SEMA3D: variants seen among roughly 807,000 people sequenced by gnomAD.
The protein encoded by SEMA3D is semaphorin 3D, also known as semaphorin-3D.
In SEMA3D, 84 loss-of-function variants were observed where a neutral mutation model predicts 100.1. The ratio of observed to expected loss-of-function variants is 0.84; its 90% CI spans 0.70 to 1.01. The LOEUF is 1.01. SEMA3D is among the 50% of genes least tolerant of loss of function. The probability of loss-of-function intolerance (pLI) is 0.00; values close to 1 mark genes in which losing one functional copy is unlikely to be tolerated. For synonymous variants in SEMA3D, 312 were observed against 320.7 expected (o/e 0.97, Z 0.29); for missense variants, 875 against 934.1 (o/e 0.94, Z 0.82).
rs1310997845 is a variant in SEMA3D at position 85,069,660 on chromosome 7, A to C, written c.496-1376T>G. On this transcript the variant is annotated intron_variant, in intron 6 of 18. Coordinates refer to ENST00000284136, the MANE Select transcript of SEMA3D (RefSeq NM_001384900.1). ...AAAAGCACCTGTCTGAGCTACACAG[A>C]TGGAAATATGGGCAGAGAAGTAAAG... Among the ~76,000 whole-genome samples, 3 of 152,012 alleles carry C rather than the reference A, an allele frequency of 2.0e-5. No individual in the cohort carries two copies. In the East Asian group the frequency reaches 5.8e-4, roughly 29 times the overall value.
At chr7:85,047,815 G>T (rs1791051534) in intron 9 of SEMA3D, among the ~76,000 whole-genome samples, 1 of 151,796 alleles carries the variant, frequency 6.6e-6, no homozygotes, top group African/African-American at 2.4e-5. Flanking sequence ...GGAGTTAGAG[G>T]TTATAAATTA....
chr7:85,197,058 ACT>A, the SEMA3D span, among the ~76,000 whole-genome samples: 8 of 151,866 alleles, frequency 5.3e-5, no homozygotes, highest in Admixed American at 5.2e-4. Context: ...TCCCAACCTG[ACT>A]CTGTCATAAC....
the SEMA3D span, among the ~76,000 whole-genome samples, chr7:85,237,594 G>A: frequency 6.6e-6 from 1 of 152,016 alleles, no homozygotes; most frequent in Non-Finnish European, 1.5e-5. Context: ...TTTCCTTCTT[G>A]TCTCTTCATG....
intron 2 of SEMA3D, among the ~76,000 whole-genome samples, chr7:85,123,263 C>T (rs1400744449): frequency 6.6e-6 from 1 of 152,040 alleles, no homozygotes; most frequent in East Asian, 1.9e-4. Flanking sequence ...ACTTCTCTTC[C>T]ATGTTAATTA....
chr7:85,239,996 C>T, the SEMA3D span, among the ~76,000 whole-genome samples: 1 of 152,040 alleles, frequency 6.6e-6, no homozygotes, highest in East Asian at 1.9e-4. Context: ...TTAGGTCTAA[C>T]ATTCATTTGT....
chr7:85,008,003 A>G (rs1342584148), intron 17 of SEMA3D, among the ~76,000 whole-genome samples: 1 of 151,914 alleles, frequency 6.6e-6, no homozygotes, highest in East Asian at 1.9e-4. Context: ...ACCTCATCTA[A>G]CCTTCAAAAT....
At chr7:85,182,272 C>T (rs996438746) in intron 1 of SEMA3D, among the ~76,000 whole-genome samples, 4 of 152,048 alleles carry the variant, frequency 2.6e-5, no homozygotes, top group Non-Finnish European at 5.9e-5. Flanking sequence ...GTATGTTATG[C>T]ATTATCATAA....
At chr7:85,077,104 T>TAAA (rs558239429) in intron 5 of SEMA3D, among the ~76,000 whole-genome samples, 3 of 124,402 alleles carry the variant, frequency 2.4e-5, no homozygotes, top group East Asian at 2.3e-4. Flanking sequence ...AGACTCCGTC[T>TAAA]AAAAAAAAAA....
chr7:85,036,889 T>C lies in SEMA3D; in HGVS notation c.1191A>G (p.Thr397=), dbSNP rs749777153. 3 of 1,610,272 alleles carry C rather than the reference T, an allele frequency of 1.9e-6. No individual in the cohort carries two copies. The highest frequency in any genetic ancestry group is 2.2e-5 in the East Asian group (1 of 44,832). Residue 397 remains threonine (T), a splice_region_variant and synonymous_variant, in exon 12 of 19, where the codon ACA becomes ACG. Transcript: ENST00000284136. ...TTTGATTATTAAGTTGGATACATAC[T>C]GTACCAGGCCGTGGATAAGGAATTC... ...DGRIPYPRPG[T]CPSKTYDPLI... is the part of the protein sequence containing the mutation.
At chr7:85,140,276 T>A in intron 2 of SEMA3D, 1 of 966,236 alleles carries the variant, frequency 1.0e-6, no homozygotes, top group South Asian at 4.8e-5. Flanking sequence ...CATTTTCTCT[T>A]TTCCTCAAAT....
At chr7:85,157,372 T>A (rs1488486251) in intron 1 of SEMA3D, among the ~76,000 whole-genome samples, 3 of 152,178 alleles carry the variant, frequency 2.0e-5, no homozygotes, top group African/African-American at 7.2e-5. Flanking sequence ...AAAAGATTTT[T>A]GTTTCTCCAA....
intron 6 of SEMA3D, among the ~76,000 whole-genome samples, chr7:85,068,962 A>G (rs1791699809): frequency 6.6e-6 from 1 of 152,174 alleles, no homozygotes. Flanking sequence ...GACTTTTAGT[A>G]TTTGGGAAAA....
At chr7:85,248,992 A>G in the SEMA3D span, among the ~76,000 whole-genome samples, 1 of 152,192 alleles carries the variant, frequency 6.6e-6, no homozygotes, top group East Asian at 1.9e-4. Flanking sequence ...GGTAAAAATA[A>G]TCTGTCAATG....
intron 16 of SEMA3D, among the ~76,000 whole-genome samples, chr7:85,013,381 C>T (rs1204793429): frequency 2.0e-5 from 3 of 151,660 alleles, no homozygotes; most frequent in Non-Finnish European, 4.4e-5. Context: ...TAAAAGACTA[C>T]CTGTTATTTC....
intron 9 of SEMA3D, among the ~76,000 whole-genome samples, chr7:85,048,040 A>G (rs1791057380): frequency 6.6e-6 from 1 of 151,834 alleles, no homozygotes; most frequent in Admixed American, 6.6e-5. Flanking sequence ...TAAATACTAC[A>G]GTATTATAAA....
intron 2 of SEMA3D, chr7:85,142,117 A>G (rs1790069162): frequency 1.0e-6 from 1 of 984,718 alleles, no homozygotes; most frequent in South Asian, 4.7e-5. Flanking sequence ...ATGTATTAAA[A>G]TTTCTAAGCA....
At chr7:85,038,092 A>T (rs1400180734) in intron 11 of SEMA3D, among the ~76,000 whole-genome samples, 14 of 152,012 alleles carry the variant, frequency 9.2e-5, no homozygotes, top group Admixed American at 9.2e-4. Flanking sequence ...GATACGTCTA[A>T]TGTTAAATGA....
chr7:85,068,115 A>G lies in SEMA3D; in HGVS notation c.589+76T>C, dbSNP rs73377875. ...AGTAAAAAATTACCTTTAACTCAAT[A>G]GGAAAATGCGGTTCAGTCAAAAAAT... On this transcript the variant is annotated intron_variant, in intron 7 of 18. Transcript: ENST00000284136. 4.5e-3 allele frequency: 3,868 copies of G among 850,302 alleles called. 117 individuals carry two copies. In the African/African-American group the frequency reaches 0.057, roughly 13 times the overall value. 52.7% of individuals were successfully genotyped at this position (850,302 alleles called of 1,614,324 possible).
At chr7:85,228,390 C>A in the SEMA3D span, among the ~76,000 whole-genome samples, 1 of 152,022 alleles carries the variant, frequency 6.6e-6, no homozygotes, top group South Asian at 2.1e-4. Context: ...AATATTTTAT[C>A]ATTCACTAAG....
Sources: allele counts gnomAD v4.1 joint callset (sites outside exome capture counted in the v4.1 genomes callset), GRCh38; gene constraint gnomAD v4.1.1; transcripts MANE v1.5; gene names NCBI Gene and HGNC (gene_info 2026-07-23, HGNC 2026-07-21).